The following DIAPH3 variants were observed in gnomAD, a reference collection of about 807,000 sequenced individuals.
DIAPH3 encodes the protein diaphanous related formin 3, also known as protein diaphanous homolog 3.
DIAPH3 carries 117 observed loss-of-function variants against 144.3 expected under a neutral mutation model. The ratio of observed to expected loss-of-function variants is 0.81; its 90% CI spans 0.70 to 0.95. DIAPH3 has a LOEUF of 0.95. Among genes scored for constraint, DIAPH3 ranks in the 40% least tolerant of loss-of-function variants. The probability of loss-of-function intolerance (pLI) is 0.00; values close to 1 mark genes in which losing one functional copy is unlikely to be tolerated. For missense variants in DIAPH3, 1,421 were observed against 1,412.7 expected (o/e 1.01, Z -0.09); for synonymous variants, 519 against 488.9 (o/e 1.06, Z -0.81).
chr13:60,101,931 T>G (rs138233629), intron 3 of DIAPH3, among the ~76,000 whole-genome samples: 4 of 152,310 alleles, frequency 2.6e-5, no homozygotes, highest in Middle Eastern at 3.4e-3. Flanking sequence ...ATGGCAAATC[T>G]TACTAGTCTC....
intron 2 of DIAPH3, among the ~76,000 whole-genome samples, chr13:60,118,339 G>T (rs2138120162): frequency 6.6e-6 from 1 of 152,212 alleles, no homozygotes; most frequent in East Asian, 1.9e-4. Flanking sequence ...AAAGGCAAGT[G>T]ATTCTTTAAT....
At chr13:59,872,099 GTTCT>G (rs2044317191) in intron 21 of DIAPH3, among the ~76,000 whole-genome samples, 1 of 151,926 alleles carries the variant, frequency 6.6e-6, no homozygotes, top group Admixed American at 6.6e-5. Context: ...GTATATATTA[GTTCT>G]TTGTCTTACC....
intron 17 of DIAPH3, among the ~76,000 whole-genome samples, chr13:59,932,264 G>A (rs1232892853): frequency 2.6e-5 from 4 of 151,910 alleles, no homozygotes; most frequent in African/African-American, 7.3e-5. Context: ...AAAGAAAAAC[G>A]TCAAAGACAC....
intron 1 of DIAPH3, 116 bp downstream of exon 1, chr13:60,163,471 G>T: frequency 1.4e-6 from 2 of 1,393,176 alleles, no homozygotes; most frequent in Non-Finnish European, 2.0e-6. Context: ...ATGATCTTTG[G>T]CACCTCTGGA....
intron 24 of DIAPH3, among the ~76,000 whole-genome samples, chr13:59,832,082 C>A (rs753666914): frequency 6.6e-6 from 1 of 151,666 alleles, no homozygotes; most frequent in Non-Finnish European, 1.5e-5. Context: ...CAAAACATTA[C>A]AAAATTTAAA....
intron 27 of DIAPH3, among the ~76,000 whole-genome samples, chr13:59,677,572 T>G (rs1050874468): frequency 3.9e-5 from 6 of 152,220 alleles, no homozygotes; most frequent in African/African-American, 1.4e-4. Context: ...TATTTCATAC[T>G]TACAGCAGAT....
At chr13:60,059,804 T>G (rs1430826377) in intron 4 of DIAPH3, among the ~76,000 whole-genome samples, 1 of 151,996 alleles carries the variant, frequency 6.6e-6, no homozygotes, top group Non-Finnish European at 1.5e-5. Context: ...ATAGAAAAAA[T>G]CCACTGATAT....
At chr13:59,892,021 A>AAGC (rs1393656742) in intron 20 of DIAPH3, among the ~76,000 whole-genome samples, 2 of 151,986 alleles carry the variant, frequency 1.3e-5, no homozygotes, top group Non-Finnish European at 1.5e-5. Flanking sequence ...ACAAACAAAC[A>AAGC]AGCAACAACA....
intron 24 of DIAPH3, among the ~76,000 whole-genome samples, chr13:59,817,593 G>T (rs1593536132): frequency 6.6e-6 from 1 of 151,756 alleles, no homozygotes; most frequent in African/African-American, 2.4e-5. Context: ...CATAAAACCA[G>T]ATTTTATTTT....
At position 59,799,507 on chromosome 13, in the gene DIAPH3, C is replaced by T. The variant is rs180849915; in HGVS notation, c.3163+11281G>A. On this transcript the variant is annotated intron_variant, in intron 25 of 27. Coordinates refer to ENST00000400324, the MANE Select transcript of DIAPH3 (RefSeq NM_001042517.2). ...ACTGCATTTATAGAAATAGTTATAT[C>T]TCTGCATATCTGAACTTGCTGTCCT... Among the ~76,000 whole-genome samples the T allele has an allele frequency of 3.2e-3, 482 of 152,120 alleles. 3 individuals are homozygous for T. Among genetic ancestry groups the T allele is most frequent in the African/African-American group, 0.01 (425 of 41,504 alleles).
chr13:59,836,667 CAATT>C (rs559243995), intron 23 of DIAPH3, among the ~76,000 whole-genome samples: 10 of 151,852 alleles, frequency 6.6e-5, no homozygotes, highest in Non-Finnish European at 1.3e-4. Flanking sequence ...TAAAACAATT[CAATT>C]AATTGATTTA....
At chr13:60,154,353 G>A (rs1039159302) in intron 1 of DIAPH3, among the ~76,000 whole-genome samples, 6 of 152,072 alleles carry the variant, frequency 3.9e-5, no homozygotes, top group Non-Finnish European at 7.4e-5. Context: ...CACAGAGAAC[G>A]GTTAAGTAAT....
At chr13:59,873,753 G>A (rs745718228) in intron 21 of DIAPH3, among the ~76,000 whole-genome samples, 25 of 140,316 alleles carry the variant, frequency 1.8e-4, no homozygotes, top group African/African-American at 5.6e-4. Flanking sequence ...TGCAACCTCC[G>A]CCTCCCGGGT....
intron 27 of DIAPH3, among the ~76,000 whole-genome samples, chr13:59,690,908 A>G (rs1226777694): frequency 6.6e-6 from 1 of 152,176 alleles, no homozygotes; most frequent in East Asian, 1.9e-4. Context: ...TAAATTATAA[A>G]TAAGTGCTAA....
intron 27 of DIAPH3, among the ~76,000 whole-genome samples, chr13:59,670,400 C>G (rs1184294853): frequency 6.6e-6 from 1 of 152,168 alleles, no homozygotes; most frequent in African/African-American, 2.4e-5. Flanking sequence ...ACCCCAACAG[C>G]CCCCATTCTG....
At chr13:60,002,775 T>G (rs577012219) in intron 9 of DIAPH3, among the ~76,000 whole-genome samples, 5 of 152,296 alleles carry the variant, frequency 3.3e-5, no homozygotes, top group African/African-American at 1.2e-4. Flanking sequence ...AGGATTCCCA[T>G]GTTTTGGTTC....
At chr13:59,861,588 TCTG>T in intron 21 of DIAPH3, 52 bp from the exon 22 acceptor site, 1 of 1,544,208 alleles carries the variant, frequency 6.5e-7, no homozygotes, top group Non-Finnish European at 9.0e-7. Context: ...ATGTTGATAT[TCTG>T]TCTACTTAAA....
At chr13:59,968,779 C>A (rs1235849714) in intron 17 of DIAPH3, among the ~76,000 whole-genome samples, 1 of 152,124 alleles carries the variant, frequency 6.6e-6, no homozygotes, top group African/African-American at 2.4e-5. Context: ...CAAAGGAATA[C>A]TAATACATTT....
At chr13:60,040,704 A>G (rs545952362) in intron 5 of DIAPH3, among the ~76,000 whole-genome samples, 1 of 152,264 alleles carries the variant, frequency 6.6e-6, no homozygotes, top group South Asian at 2.1e-4. Flanking sequence ...ATGAGTGTGA[A>G]TTGTCTCCCC....
Sources: gnomAD v4.1 joint callset for allele counts (sites outside exome capture counted in the v4.1 genomes callset) on GRCh38, gnomAD v4.1.1 for gene constraint, MANE v1.5 for transcripts, NCBI Gene and HGNC (gene_info 2026-07-23, HGNC 2026-07-21) for gene names.